Variants in NSA2 observed in about 807,000 individuals in gnomAD.
NSA2 encodes ribosome biogenesis protein NSA2 homolog.
A neutral mutation model predicts 34.8 loss-of-function variants in NSA2; 18 were observed. The ratio of observed to expected loss-of-function variants is 0.52; its 90% confidence interval spans 0.36 to 0.77. NSA2 has a LOEUF of 0.77. Among genes scored for constraint, NSA2 ranks in the 30% least tolerant of loss-of-function variants. NSA2 has a pLI of 0.00. For synonymous variants in NSA2, 79 were observed against 100.2 expected, an observed-to-expected ratio of 0.79 and a Z score of 1.26; for missense variants, 188 against 314.7, an observed-to-expected ratio of 0.60 and a Z score of 3.05.
At chr5:74,767,533 A>G (rs1450440592) in intron 1 of NSA2, among the ~76,000 whole-genome samples, 170 bp downstream of exon 1, 1 of 152,220 alleles carries the variant, frequency 6.6e-6, no homozygotes, top group African/African-American at 2.4e-5. Flanking sequence ...AAACAACTTC[A>G]CATTCGAGAC....
intron 4 of NSA2, among the ~76,000 whole-genome samples, chr5:74,772,197 T>C (rs1029755705): frequency 8.7e-5 from 13 of 150,152 alleles, no homozygotes; most frequent in Non-Finnish European, 1.8e-4. Flanking sequence ...CGATCTCGGC[T>C]CACTGCAAGC....
chr5:74,774,047 C>A lies in NSA2; in HGVS notation c.702C>A (p.Gly234=), dbSNP rs772101267. The change falls in exon 5 of 6, where the codon GGC becomes GGA. Residue 234 remains glycine, a synonymous_variant. Transcript: ENST00000610426. ...AATTGGGCCTTGTGACACAAGGAGG[C>A]AAAGTTATTTGGGGTAAGTGAATTT... ...VSELGLVTQG[G]KVIWGKYAQV... The A allele has an allele frequency of 8.1e-6, 13 of 1,612,732 alleles. No homozygotes were observed. Among genetic ancestry groups the A allele is most frequent in the African/African-American group, 2.7e-5 (2 of 74,816 alleles).
chr5:74,777,549 A>G lies in NSA2; in HGVS notation c.*878A>G, dbSNP rs1219749975. 6.6e-6 allele frequency: 1 copy of G among 152,022 alleles called. No individual in the cohort carries two copies. Among genetic ancestry groups the G allele is most frequent in the Non-Finnish European group, 1.5e-5 (1 of 67,930 alleles). 9.4% of individuals were successfully genotyped at this position (152,022 alleles called of 1,614,324 possible). ...TGTTGTGGTTTTAAGGATGGCGTATATTACATTAATCTATAATCACCACAT... is the reference window on the plus strand; with the variant it reads ...TGTTGTGGTTTTAAGGATGGCGTATGTTACATTAATCTATAATCACCACAT... On this transcript the variant is annotated 3_prime_UTR_variant, in exon 6 of 6. Transcript: ENST00000610426.
At chr5:74,773,693 T>C (rs778680665) in intron 4 of NSA2, among the ~76,000 whole-genome samples, 175 bp from the exon 5 acceptor site, 20 of 152,212 alleles carry the variant, frequency 1.3e-4, no homozygotes, top group Non-Finnish European at 2.4e-4. Context: ...CACATATTTA[T>C]ACTGTAACCA....
At chr5:74,775,477 TGTG>T (rs952128005) in intron 5 of NSA2, among the ~76,000 whole-genome samples, 2 of 151,136 alleles carry the variant, frequency 1.3e-5, no homozygotes, top group Non-Finnish European at 2.9e-5. Flanking sequence ...ATTAGCCAGG[TGTG>T]GTTGTGGGTG....
At chr5:74,770,128 C>G (rs3932895) in intron 3 of NSA2, among the ~76,000 whole-genome samples, 21,304 of 152,082 alleles carry the variant, frequency 0.14, 1,826 homozygotes, top group African/African-American at 0.21. Flanking sequence ...GTCAGGAGTT[C>G]AAGACCAGCC....
rs1745309624 is a variant in NSA2 at position 74,779,602 on chromosome 5, TTCAC to T, written c.*2933_*2936del. ...TAAAACAGCATAAATGTTTGGTAGATTCACTAATAGTAGTCATACTTTTTTTTTT... is the reference window on the plus strand; with the variant it reads ...TAAAACAGCATAAATGTTTGGTAGATTAATAGTAGTCATACTTTTTTTTTT... On this transcript the variant is annotated 3_prime_UTR_variant, in exon 6 of 6. Coordinates refer to ENST00000610426, the MANE Select transcript of NSA2 (RefSeq NM_014886.6). The T allele has an allele frequency of 6.6e-6, 1 of 152,022 alleles. No individual in the cohort carries two copies. The highest frequency in any genetic ancestry group is 1.5e-5 in the Non-Finnish European group (1 of 67,998). 9.4% of individuals were successfully genotyped at this position (152,022 alleles called of 1,614,324 possible).
At chr5:74,769,468 A>G (rs1050874901) in intron 3 of NSA2, 104 bp downstream of exon 3, 1 of 850,330 alleles carries the variant, frequency 1.2e-6, no homozygotes, top group Non-Finnish European at 1.7e-6. Context: ...AAGTACAGCT[A>G]TTATTCCCAT....
intron 3 of NSA2, 142 bp from the exon 4 acceptor site, chr5:74,770,489 T>C: frequency 1.7e-6 from 1 of 599,066 alleles, no homozygotes; most frequent in Non-Finnish European, 3.0e-6. Context: ...AATACAGACC[T>C]CTAGAAGACG....
Position 74,778,294 on chromosome 5 carries a change from A to T in NSA2, c.*1623A>T, listed in dbSNP as rs943782493. On this transcript the variant is annotated 3_prime_UTR_variant, in exon 6 of 6. Transcript: ENST00000610426. ...TGAGTAATATTAGTATAAATTTTTTATGTACATTAAGATCTGTTTCAGTTT... is the reference window on the plus strand; with the variant it reads ...TGAGTAATATTAGTATAAATTTTTTTTGTACATTAAGATCTGTTTCAGTTT... 1.3e-5 allele frequency: 2 copies of T among 152,072 alleles called. No individual in the cohort carries two copies. Among genetic ancestry groups the T allele is most frequent in the Non-Finnish European group, 2.9e-5 (2 of 67,896 alleles). The allele number at this position is 152,072 out of a possible 1,614,324, so 9.4% of individuals were successfully genotyped here. A position where few individuals can be genotyped will look rare whatever the true frequency, so the allele number is the denominator to read the frequency against.
At chr5:74,772,073 CAG>C (rs956943729) in intron 4 of NSA2, among the ~76,000 whole-genome samples, 6 of 151,368 alleles carry the variant, frequency 4.0e-5, no homozygotes, top group Admixed American at 3.3e-4. Flanking sequence ...AACAAAGTAT[CAG>C]AGAGAGGAAA....
chr5:74,767,449 AGCGGTGGTAG>A, intron 1 of NSA2, 86 bp downstream of exon 1: 1 of 1,526,298 alleles, frequency 6.6e-7, no homozygotes, highest in African/African-American at 1.4e-5. Flanking sequence ...GTAGGGGGTG[AGCGGTGGTAG>A]GCGGAAATGA....
chr5:74,767,522 G>A (rs1472512706), intron 1 of NSA2, among the ~76,000 whole-genome samples, 159 bp downstream of exon 1: 6 of 152,208 alleles, frequency 3.9e-5, no homozygotes, highest in Non-Finnish European at 8.8e-5. Flanking sequence ...CTGAGGAGTG[G>A]AAACAACTTC....
At chr5:74,771,658 T>G (rs1486375045) in intron 4 of NSA2, 1 of 151,452 alleles carries the variant, frequency 6.6e-6, no homozygotes, top group Non-Finnish European at 1.5e-5. Context: ...CCATCCTGGC[T>G]AACACTGTGA....
At chr5:74,767,717 T>C (rs1034563732) in intron 1 of NSA2, among the ~76,000 whole-genome samples, 1 of 152,214 alleles carries the variant, frequency 6.6e-6, no homozygotes, top group African/African-American at 2.4e-5. Flanking sequence ...CAGTCTTAGA[T>C]GTCAGTCCCG....
At chr5:74,769,657 A>T in intron 3 of NSA2, 1 of 218,162 alleles carries the variant, frequency 4.6e-6, no homozygotes, top group Non-Finnish European at 8.9e-6. Flanking sequence ...AGTGCTATGC[A>T]GTCATAAAGA....
chr5:74,774,417 CA>C (rs1300741345), intron 5 of NSA2, among the ~76,000 whole-genome samples: 2 of 151,948 alleles, frequency 1.3e-5, no homozygotes, highest in Admixed American at 1.3e-4. Context: ...GCCTGGCCAA[CA>C]TGGCAAAACC....
intron 1 of NSA2, among the ~76,000 whole-genome samples, chr5:74,768,239 C>G (rs1457482071): frequency 6.6e-6 from 1 of 152,186 alleles, no homozygotes; most frequent in East Asian, 1.9e-4. Flanking sequence ...ATCTGGTCAG[C>G]GGGTAAACAG....
chr5:74,768,996 A>G lies in NSA2; in HGVS notation c.69A>G (p.Lys23=). The G allele has an allele frequency of 6.2e-7, 1 of 1,610,626 alleles. No homozygotes were observed. Among genetic ancestry groups the G allele is most frequent in the Non-Finnish European group, 8.5e-7 (1 of 1,179,042 alleles). The part of the protein sequence containing the change: ...RYGYRLDYHE[K]KRKKESREAH... Reference sequence around the variant, plus strand: ...GATACCGTTTGGATTACCATGAGAAAAAGAGAAAGAAGGAAAGTCGAGAGG... The same window carrying G: ...GATACCGTTTGGATTACCATGAGAAGAAGAGAAAGAAGGAAAGTCGAGAGG... The change falls in exon 2 of 6, where the codon AAA becomes AAG. Residue 23 remains lysine, a synonymous_variant. Coordinates refer to ENST00000610426, the MANE Select transcript of NSA2 (RefSeq NM_014886.6).
Sources: gnomAD v4.1 joint callset for allele counts (sites outside exome capture counted in the v4.1 genomes callset) on GRCh38, gnomAD v4.1.1 for gene constraint, MANE v1.5 for transcripts, NCBI Gene and HGNC (gene_info 2026-07-23, HGNC 2026-07-21) for gene names.